VPS53: variants seen among roughly 807,000 people sequenced by gnomAD.
VPS53 encodes vacuolar protein sorting-associated protein 53 homolog.
A neutral mutation model predicts 107.0 loss-of-function variants in VPS53; 70 were observed. The ratio of observed to expected loss-of-function variants is 0.65; its 90% CI spans 0.54 to 0.80. VPS53 has a LOEUF of 0.80. VPS53 is among the 30% of genes least tolerant of loss of function. The pLI, the probability that VPS53 is intolerant of heterozygous loss-of-function variation, is 0.00. For missense variants in VPS53, 917 were observed against 1,049.4 expected (o/e 0.87, Z 1.74); for synonymous variants, 409 against 393.3 (o/e 1.04, Z -0.47).
chr17:535,683 T>G (rs924749733), intron 18 of VPS53, among the ~76,000 whole-genome samples: 9 of 152,162 alleles, frequency 5.9e-5, no homozygotes, highest in Non-Finnish European at 1.2e-4. Flanking sequence ...CGTCACGATG[T>G]GATTTATCAG....
At chr17:544,452 A>T (rs974337824) in intron 17 of VPS53, among the ~76,000 whole-genome samples, 1 of 152,096 alleles carries the variant, frequency 6.6e-6, no homozygotes, top group Non-Finnish European at 1.5e-5. Context: ...ATTTTGCCTC[A>T]GTTGCCACAT....
intron 12 of VPS53, chr17:599,868 C>T (rs988106119): frequency 6.6e-6 from 1 of 152,358 alleles, no homozygotes; most frequent in African/African-American, 2.4e-5. Context: ...TCTGATGGGG[C>T]ACCAAGGAAT....
At chr17:651,642 T>A (rs183051989) in intron 7 of VPS53, among the ~76,000 whole-genome samples, 343 of 152,286 alleles carry the variant, frequency 2.3e-3, no homozygotes, top group African/African-American at 7.8e-3. Context: ...TAAGGAAACT[T>A]AAGGAAAACA....
chr17:541,767 C>T (rs12942813), intron 17 of VPS53, among the ~76,000 whole-genome samples: 5,251 of 77,540 alleles, frequency 0.068, no homozygotes, highest in African/African-American at 0.18. Flanking sequence ...AAGGACCTAC[C>T]ACGCACCGGG....
At chr17:545,367 G>T (rs541855403) in intron 17 of VPS53, among the ~76,000 whole-genome samples, 1 of 152,030 alleles carries the variant, frequency 6.6e-6, no homozygotes. Flanking sequence ...CTCTTCAATC[G>T]GCTCCAGGAT....
Position 515,422 on chromosome 17 carries a change from G to A in VPS53, c.*3706C>T, listed in dbSNP as rs1218939486. On this transcript the variant is annotated 3_prime_UTR_variant, in exon 22 of 22. Transcript: ENST00000437048. The stretch of plus-strand genomic sequence containing the variant: ...AATTTTGTATTTTTAGTAAAGACAG[G>A]GTTTCACCATGTCGGCCAGGCTGGT... The A allele has an allele frequency of 6.6e-6, 1 of 152,102 alleles. No individual in the cohort carries two copies. Among genetic ancestry groups the A allele is most frequent in the Non-Finnish European group, 1.5e-5 (1 of 68,064 alleles). The allele number at this position is 152,102 out of a possible 1,614,324, so 9.4% of individuals were successfully genotyped here. A position where few individuals can be genotyped will look rare whatever the true frequency, so the allele number is the denominator to read the frequency against.
At chr17:529,009 C>T (rs1242368144) in intron 19 of VPS53, among the ~76,000 whole-genome samples, 2 of 152,118 alleles carry the variant, frequency 1.3e-5, no homozygotes, top group African/African-American at 4.8e-5. Context: ...TGCATTACCA[C>T]CAGCAATGTA....
At chr17:521,957 A>C (rs776791985) in intron 19 of VPS53, among the ~76,000 whole-genome samples, 16 of 152,220 alleles carry the variant, frequency 1.1e-4, no homozygotes, top group African/African-American at 1.7e-4. Context: ...ACGTATATAA[A>C]AAACTAAATC....
intron 12 of VPS53, among the ~76,000 whole-genome samples, chr17:600,255 T>G (rs1263973300): frequency 1.3e-5 from 2 of 152,128 alleles, no homozygotes; most frequent in Non-Finnish European, 2.9e-5. Context: ...AGCATCTGAG[T>G]GTTTAACTGC....
At chr17:620,248 T>C (rs1372347557) in intron 11 of VPS53, among the ~76,000 whole-genome samples, 2 of 152,236 alleles carry the variant, frequency 1.3e-5, no homozygotes, top group Non-Finnish European at 2.9e-5. Flanking sequence ...ACCACCGCTC[T>C]GCAGTCCATT....
At chr17:712,324 C>A (rs1597522115) in intron 1 of VPS53, among the ~76,000 whole-genome samples, 5 of 151,548 alleles carry the variant, frequency 3.3e-5, no homozygotes, top group Non-Finnish European at 1.5e-5. Flanking sequence ...AGATTACGGG[C>A]ACCTGCCACC....
chr17:698,702 TGAAAAAAAAACA>T (rs1308104487), intron 3 of VPS53, among the ~76,000 whole-genome samples: 1 of 149,026 alleles, frequency 6.7e-6, no homozygotes, highest in African/African-American at 2.5e-5. Flanking sequence ...GACCTTGTTT[TGAAAAAAAAACA>T]GAAAAAAAGA....
At chr17:647,635 A>G (rs1343355414) in intron 7 of VPS53, among the ~76,000 whole-genome samples, 1 of 152,118 alleles carries the variant, frequency 6.6e-6, no homozygotes, top group Non-Finnish European at 1.5e-5. Context: ...CTCACAGTCC[A>G]GTCTGATAAG....
At chr17:696,485 G>A (rs1179265195) in intron 4 of VPS53, among the ~76,000 whole-genome samples, 1 of 152,216 alleles carries the variant, frequency 6.6e-6, no homozygotes, top group Non-Finnish European at 1.5e-5. Context: ...CAAAGAAGCA[G>A]TCCTGACCTG....
chr17:532,865 T>C lies in VPS53; in HGVS notation c.2062A>G (p.Ile688Val), dbSNP rs140376049. The C allele has an allele frequency of 1.8e-3, 2,964 of 1,614,096 alleles. 20 individuals carry two copies. The highest frequency in any genetic ancestry group is 0.011 in the South Asian group (997 of 91,048). ...FITHLFKCKP[I>V]SMVGAEQLLL... ...ACCTGTTCTGCTCCCACCATGCTAA[T>C]TGGCTTGCACTTGAAGAGGTGGGTG... The change falls in exon 19 of 22, where the codon ATT becomes GTT. Residue 688 changes from isoleucine to valine, a missense_variant. Coordinates refer to ENST00000437048, the MANE Select transcript of VPS53 (RefSeq NM_001128159.3).
chr17:571,875 C>A (rs1407466534), intron 13 of VPS53, among the ~76,000 whole-genome samples: 1 of 152,154 alleles, frequency 6.6e-6, no homozygotes, highest in African/African-American at 2.4e-5. Flanking sequence ...AGTGCAGGGG[C>A]GTGATCTCGG....
intron 11 of VPS53, among the ~76,000 whole-genome samples, chr17:614,918 G>C (rs1969067306): frequency 6.6e-6 from 1 of 151,988 alleles, no homozygotes; most frequent in South Asian, 2.1e-4. Flanking sequence ...CATAAAAGGG[G>C]AACATTTTTA....
At chr17:636,731 A>AT (rs1161975422) in intron 7 of VPS53, among the ~76,000 whole-genome samples, 5 of 152,108 alleles carry the variant, frequency 3.3e-5, no homozygotes, top group Non-Finnish European at 7.3e-5. Context: ...TTTGATTTGC[A>AT]TATGTTGAAC....
At chr17:537,246 G>C (rs528656468) in intron 17 of VPS53, 70 bp from the exon 18 acceptor site, 12 of 1,555,268 alleles carry the variant, frequency 7.7e-6, no homozygotes, top group East Asian at 2.3e-5. Context: ...CTGGGGAAGG[G>C]AGGGGCTGGA....
Sources: allele counts gnomAD v4.1 joint callset (sites outside exome capture counted in the v4.1 genomes callset), GRCh38; gene constraint gnomAD v4.1.1; transcripts MANE v1.5; gene names NCBI Gene and HGNC (gene_info 2026-07-23, HGNC 2026-07-21).